The following KBTBD13 variants were observed in gnomAD, a reference collection of about 807,000 sequenced individuals.
KBTBD13 encodes the protein kelch repeat and BTB domain-containing protein 13.
Under a neutral mutation model 25.4 loss-of-function variants are expected in KBTBD13, and 32 were observed. The ratio of observed to expected loss-of-function variants is 1.26; its 90% CI spans 0.95 to 1.69. The LOEUF is 1.69. KBTBD13 is among the 40% of genes most tolerant of loss of function. The pLI, the probability that KBTBD13 is intolerant of heterozygous loss-of-function variation, is 0.00. For missense variants in KBTBD13, 898 were observed against 679.5 expected (o/e 1.32, Z -3.57); for synonymous variants, 436 against 329.8 (o/e 1.32, Z -3.49).
At position 65,076,979 on chromosome 15, in the gene KBTBD13, C is replaced by A. The variant is rs757684085; in HGVS notation, c.164C>A (p.Ala55Glu). The A allele has an allele frequency of 6.5e-7, 1 of 1,540,344 alleles. No homozygotes were observed. Among genetic ancestry groups the A allele is most frequent in the Non-Finnish European group, 8.7e-7 (1 of 1,149,592 alleles). The part of the protein sequence containing the change: ...AAEVRLGVLS[A>E]GGFRATLQVL... ...GAGGTGCGCCTGGGCGTTCTGAGCGCGGGAGGTTTCCGCGCCACGCTGCAG... is the reference window on the plus strand; with the variant it reads ...GAGGTGCGCCTGGGCGTTCTGAGCGAGGGAGGTTTCCGCGCCACGCTGCAG... Residue 55 changes from alanine (A) to glutamate (E), a missense_variant, in exon 1 of 1, where the codon GCG becomes GAG. Physicochemically the swap from Ala to Glu is moderately radical, Grantham distance 107. Coordinates refer to ENST00000432196, the MANE Select transcript of KBTBD13 (RefSeq NM_001101362.3).
Position 65,077,737 on chromosome 15 carries a change from T to C in KBTBD13, c.922T>C (p.Phe308Leu). The C allele has an allele frequency of 6.3e-7, 1 of 1,584,604 alleles. No homozygotes were observed. Among genetic ancestry groups the C allele is most frequent in the Non-Finnish European group, 8.5e-7 (1 of 1,171,034 alleles). Reference sequence around the variant, plus strand: ...CTGCGCCCAGGCTTGTGGCCGTCTCTTCGTGTGCCTGTGGCGGCCGGCCGA... The same window carrying C: ...CTGCGCCCAGGCTTGTGGCCGTCTCCTCGTGTGCCTGTGGCGGCCGGCCGA... ...VPCAQACGRL[F>L]VCLWRPADTT... The change falls in exon 1 of 1, where the codon TTC becomes CTC. Residue 308 changes from phenylalanine (F) to leucine (L), a missense_variant. By Grantham distance (22) the Phe-to-Leu change is conservative. Transcript: ENST00000432196.
At position 65,076,993 on chromosome 15, in the gene KBTBD13, G is replaced by A; in HGVS notation, c.178G>A (p.Ala60Thr). Residue 60 changes from alanine to threonine, a missense_variant, in exon 1 of 1, where the codon GCC becomes ACC. By Grantham distance (58) the Ala-to-Thr change is moderately conservative. Transcript: ENST00000432196. ...CGTTCTGAGCGCGGGAGGTTTCCGC[G>A]CCACGCTGCAGGTGCTGCGCGGCGA... is the stretch of plus-strand genomic sequence containing the variant. ...LGVLSAGGFR[A>T]TLQVLRGDRP... The A allele has an allele frequency of 1.3e-6, 2 of 1,534,206 alleles. No individual in the cohort carries two copies. Among genetic ancestry groups the A allele is most frequent in the Non-Finnish European group, 1.7e-6 (2 of 1,145,930 alleles).
rs534443571 is a variant in KBTBD13 at position 65,077,604 on chromosome 15, C to T, written c.789C>T (p.Ile263=). 70 of 1,578,526 alleles carry T rather than the reference C, an allele frequency of 4.4e-5. 1 individual carries two copies. In the South Asian group the frequency reaches 7.3e-4, roughly 16 times the overall value. ...GCTTCGACGGCCGCCTCTACGCCATCGGCGGCGAATTCCAGAGGACGCCCA... is the reference window on the plus strand; with the variant it reads ...GCTTCGACGGCCGCCTCTACGCCATTGGCGGCGAATTCCAGAGGACGCCCA... ...LAGFDGRLYA[I]GGEFQRTPIS... Residue 263 remains isoleucine (I), a synonymous_variant, in exon 1 of 1, where the codon ATC becomes ATT. Coordinates refer to ENST00000432196, the MANE Select transcript of KBTBD13 (RefSeq NM_001101362.3).
At position 65,076,930 on chromosome 15, in the gene KBTBD13, G is replaced by C. The variant is rs201420126; in HGVS notation, c.115G>C (p.Gly39Arg). 4.0e-4 allele frequency: 625 copies of C among 1,557,718 alleles called. No homozygotes were observed. The African/African-American group carries it at 6.5e-3, about 16-fold the overall frequency. ...CGFFRGLFRSGMRETRAAEVR... is the reference protein window; with the variant it reads ...CGFFRGLFRSRMRETRAAEVR... ...CTTCTTCCGAGGCCTCTTCCGCTCCGGCATGCGGGAGACCCGCGCAGCAGA... is the reference window on the plus strand; with the variant it reads ...CTTCTTCCGAGGCCTCTTCCGCTCCCGCATGCGGGAGACCCGCGCAGCAGA... The change falls in exon 1 of 1, where the codon GGC (glycine) becomes CGC (arginine). Residue 39 changes from glycine (G) to arginine (R), a missense_variant. Transcript: ENST00000432196.
In KBTBD13 at chr15:65,077,463, C is replaced by G. The variant is rs1367713205; in HGVS notation, c.648C>G (p.Gly216=). Residue 216 remains glycine (G), a synonymous_variant, in exon 1 of 1, where the codon GGC becomes GGG. Transcript: ENST00000432196. ...GCAACAAGCTTTACATCGTGGGGGG[C>G]GTGCGCGGCGCCAGCAAGGAGGTGG... ...TLGNKLYIVG[G]VRGASKEVVE... The G allele has an allele frequency of 1.3e-6, 2 of 1,523,656 alleles. No individual in the cohort carries two copies. Among genetic ancestry groups the G allele is most frequent in the East Asian group, 4.9e-5 (2 of 40,474 alleles). 94.4% of individuals were successfully genotyped at this position (1,523,656 alleles called of 1,614,324 possible).
At position 65,077,508 on chromosome 15, in the gene KBTBD13, C is replaced by T. The variant is rs2086993045; in HGVS notation, c.693C>T (p.Tyr231=). ...SKEVVELGFC[Y]DPDGGTWHEF... The stretch of plus-strand genomic sequence containing the variant: ...AGGTGGTAGAGCTGGGCTTCTGCTA[C>T]GACCCCGACGGCGGCACGTGGCACG... The change falls in exon 1 of 1, where the codon TAC becomes TAT. Residue 231 remains tyrosine, a synonymous_variant. Transcript: ENST00000432196. 1 of 1,522,864 alleles carries T rather than the reference C, an allele frequency of 6.6e-7. No individual in the cohort carries two copies. Among genetic ancestry groups the T allele is most frequent in the Non-Finnish European group, 8.8e-7 (1 of 1,136,094 alleles). 94.3% of individuals were successfully genotyped at this position (1,522,864 alleles called of 1,614,324 possible). A position where few individuals can be genotyped will look rare whatever the true frequency, so the allele number is the denominator to read the frequency against.
At position 65,077,091 on chromosome 15, in the gene KBTBD13, G is replaced by A. The variant is rs566529505; in HGVS notation, c.276G>A (p.Ala92=). The A allele has an allele frequency of 3.3e-6, 5 of 1,521,768 alleles. No homozygotes were observed. The highest frequency in any genetic ancestry group is 4.4e-6 in the Non-Finnish European group (5 of 1,138,946). 94.3% of individuals were successfully genotyped at this position (1,521,768 alleles called of 1,614,324 possible). ...GCGCCGCCTTCCTCCAGGCGCCGGC[G>A]CTGGCTCGCTTTCTGGAGCACAACC... The part of the protein sequence containing the change: ...VECAAFLQAP[A]LARFLEHNLT... The change falls in exon 1 of 1, where the codon GCG becomes GCA. Residue 92 remains alanine (A), a synonymous_variant. Transcript: ENST00000432196.
chr15:65,077,016 C>A lies in KBTBD13; in HGVS notation c.201C>A (p.Gly67=). 2 of 1,509,548 alleles carry A rather than the reference C, an allele frequency of 1.3e-6. No homozygotes were observed. Among genetic ancestry groups the A allele is most frequent in the Non-Finnish European group, 1.8e-6 (2 of 1,134,234 alleles). 93.5% of individuals were successfully genotyped at this position (1,509,548 alleles called of 1,614,324 possible). The change falls in exon 1 of 1, where the codon GGC becomes GGA. Residue 67 remains glycine (G), a synonymous_variant. Transcript: ENST00000432196. ...GCGCCACGCTGCAGGTGCTGCGCGG[C>A]GACCGGCCGGCGCTGGCGGCGGAGG... ...GFRATLQVLR[G]DRPALAAEDE...
At position 65,078,721 on chromosome 15, in the gene KBTBD13, C is replaced by A. The variant is rs1162039037; in HGVS notation, c.*529C>A. Among the ~76,000 whole-genome samples the A allele has an allele frequency of 3.3e-5, 5 of 152,124 alleles. No homozygotes were observed. Among genetic ancestry groups the A allele is most frequent in the African/African-American group, 1.2e-4 (5 of 41,408 alleles). The stretch of plus-strand genomic sequence containing the variant: ...AGGCAACATGCAAAAAAATTTAAAA[C>A]CGCATACAATATAATAAAATAAAGT... On this transcript the variant is annotated 3_prime_UTR_variant, in exon 1 of 1. Transcript: ENST00000432196.
rs780785524 is a variant in KBTBD13 at position 65,077,920 on chromosome 15, A to G, written c.1105A>G (p.Ile369Val). Residue 369 changes from isoleucine (I) to valine (V), a missense_variant, in exon 1 of 1, where the codon ATC (isoleucine) becomes GTC (valine). Ile to Val is a conservative substitution (Grantham distance 29). Coordinates refer to ENST00000432196, the MANE Select transcript of KBTBD13 (RefSeq NM_001101362.3). ...TTCCGACGACTTCCTGCACTGCGCC[A>G]TCGACTGTCTCAACCTGGCCACGGG... is the stretch of plus-strand genomic sequence containing the variant. Reference protein sequence around the residue: ...GPSDDFLHCAIDCLNLATGQW... With the variant: ...GPSDDFLHCAVDCLNLATGQW... 3.1e-6 allele frequency: 5 copies of G among 1,611,842 alleles called. No homozygotes were observed. The highest frequency in any genetic ancestry group is 2.2e-5 in the East Asian group (1 of 44,862).
In KBTBD13 at chr15:65,078,292, C is replaced by A. The variant is rs1319236675; in HGVS notation, c.*100C>A. 17 of 1,444,802 alleles carry A rather than the reference C, an allele frequency of 1.2e-5. No individual in the cohort carries two copies. The highest frequency in any genetic ancestry group is 1.5e-5 in the Non-Finnish European group (16 of 1,093,982). 89.5% of individuals were successfully genotyped at this position (1,444,802 alleles called of 1,614,324 possible). On this transcript the variant is annotated 3_prime_UTR_variant, in exon 1 of 1. Transcript: ENST00000432196. ...CTTAGAAGTAGCTGGCAACTTCCCT[C>A]TTTCTACTGAGACACCCAGGTTTGG... is the stretch of plus-strand genomic sequence containing the variant.
In KBTBD13 at chr15:65,077,591, G is replaced by T. The variant is rs1344170084; in HGVS notation, c.776G>T (p.Arg259Leu). 1.3e-6 allele frequency: 2 copies of T among 1,570,300 alleles called. No individual in the cohort carries two copies. The highest frequency in any genetic ancestry group is 1.2e-5 in the South Asian group (1 of 86,918). The change falls in exon 1 of 1, where the codon CGC becomes CTC. Residue 259 changes from arginine to leucine, a missense_variant. By Grantham distance (102) the Arg-to-Leu change is moderately radical. Transcript: ENST00000432196. The part of the protein sequence containing the change: ...YDTALAGFDG[R>L]LYAIGGEFQR... ...ACAGCGCTGGCCGGCTTCGACGGCC[G>T]CCTCTACGCCATCGGCGGCGAATTC...
Position 65,077,124 on chromosome 15 carries a change from G to C in KBTBD13, c.309G>C (p.Ser103=), listed in dbSNP as rs760134475. Residue 103 remains serine (S), a synonymous_variant, in exon 1 of 1, where the codon TCG becomes TCC. Transcript: ENST00000432196. ...GCTTTCTGGAGCACAACCTCACGTC[G>C]GACAACTGCGCATTGCTGTGCGACG... ...LARFLEHNLT[S]DNCALLCDAA... The C allele has an allele frequency of 1.3e-5, 20 of 1,522,818 alleles. No homozygotes were observed. In the South Asian group the frequency reaches 1.9e-4, roughly 15 times the overall value. The allele number at this position is 1,522,818 out of a possible 1,614,324, so 94.3% of individuals were successfully genotyped here. A position where few individuals can be genotyped will look rare whatever the true frequency, so the allele number is the denominator to read the frequency against.
Position 65,078,029 on chromosome 15 carries a change from C to T in KBTBD13, c.1214C>T (p.Thr405Met), listed in dbSNP as rs760429732. ...TAVVRGDTVY[T>M]VNRMFTLLYA... Reference sequence around the variant, plus strand: ...GTGGTGCGCGGTGACACCGTCTATACGGTCAACCGCATGTTCACGCTGCTC... The same window carrying T: ...GTGGTGCGCGGTGACACCGTCTATATGGTCAACCGCATGTTCACGCTGCTC... Residue 405 changes from threonine to methionine, a missense_variant, in exon 1 of 1, where the codon ACG (threonine) becomes ATG (methionine). Transcript: ENST00000432196. 33 of 1,603,910 alleles carry T rather than the reference C, an allele frequency of 2.1e-5. No individual in the cohort carries two copies. In the African/African-American group the frequency reaches 2.3e-4, roughly 11 times the overall value.
chr15:65,077,490 A>G lies in KBTBD13; in HGVS notation c.675A>G (p.Val225=). ...TGCGCGGCGCCAGCAAGGAGGTGGT[A>G]GAGCTGGGCTTCTGCTACGACCCCG... is the stretch of plus-strand genomic sequence containing the variant. ...GGVRGASKEV[V]ELGFCYDPDG... The change falls in exon 1 of 1, where the codon GTA becomes GTG. Residue 225 remains valine, a synonymous_variant. Coordinates refer to ENST00000432196, the MANE Select transcript of KBTBD13 (RefSeq NM_001101362.3). The G allele has an allele frequency of 6.6e-7, 1 of 1,523,276 alleles. No homozygotes were observed. The highest frequency in any genetic ancestry group is 8.8e-7 in the Non-Finnish European group (1 of 1,137,556). 94.4% of individuals were successfully genotyped at this position (1,523,276 alleles called of 1,614,324 possible).
chr15:65,077,116 C>G lies in KBTBD13; in HGVS notation c.301C>G (p.Leu101Val). The change falls in exon 1 of 1, where the codon CTC becomes GTC. Residue 101 changes from leucine (L) to valine (V), a missense_variant. Coordinates refer to ENST00000432196, the MANE Select transcript of KBTBD13 (RefSeq NM_001101362.3). ...PALARFLEHNLTSDNCALLCD... is the reference protein window; with the variant it reads ...PALARFLEHNVTSDNCALLCD... ...GCTGGCTCGCTTTCTGGAGCACAAC[C>G]TCACGTCGGACAACTGCGCATTGCT... The G allele has an allele frequency of 6.6e-7, 1 of 1,523,478 alleles. No individual in the cohort carries two copies. Among genetic ancestry groups the G allele is most frequent in the Non-Finnish European group, 8.8e-7 (1 of 1,139,848 alleles). 94.4% of individuals were successfully genotyped at this position (1,523,478 alleles called of 1,614,324 possible).
rs879057896 is a variant in KBTBD13 at position 65,079,886 on chromosome 15, A to G, written c.*1694A>G. Among the ~76,000 whole-genome samples, 4 of 152,306 alleles carry G rather than the reference A, an allele frequency of 2.6e-5. No homozygotes were observed. Among genetic ancestry groups the G allele is most frequent in the Admixed American group, 2.6e-4 (4 of 15,306 alleles). On this transcript the variant is annotated 3_prime_UTR_variant, in exon 1 of 1. Transcript: ENST00000432196. The stretch of plus-strand genomic sequence containing the variant: ...TGCCCTCAGAAGCCTGGGACCTTCC[A>G]GCCCTGGAGTAGCCTAGTCTGATAA...
Position 65,077,406 on chromosome 15 carries a change from C to T in KBTBD13, c.591C>T (p.Ala197=), listed in dbSNP as rs1468127081. The stretch of plus-strand genomic sequence containing the variant: ...CGCTGGCTGCGCTGCCCCTGGAGGC[C>T]AGCACGTTGCTGGCCGGGGTGGCCA... ...WRTLAALPLE[A]STLLAGVATL... The change falls in exon 1 of 1, where the codon GCC becomes GCT. Residue 197 remains alanine (A), a synonymous_variant. Coordinates refer to ENST00000432196, the MANE Select transcript of KBTBD13 (RefSeq NM_001101362.3). The T allele has an allele frequency of 1.3e-6, 2 of 1,525,778 alleles. No individual in the cohort carries two copies. Among genetic ancestry groups the T allele is most frequent in the East Asian group, 2.5e-5 (1 of 40,344 alleles). 94.5% of individuals were successfully genotyped at this position (1,525,778 alleles called of 1,614,324 possible).
chr15:65,076,859 G>A lies in KBTBD13; in HGVS notation c.44G>A (p.Gly15Asp), dbSNP rs746640081. 4.0e-5 allele frequency: 62 copies of A among 1,562,932 alleles called. No homozygotes were observed. Among genetic ancestry groups the A allele is most frequent in the Non-Finnish European group, 5.1e-5 (59 of 1,162,112 alleles). Residue 15 changes from glycine to aspartate, a missense_variant, in exon 1 of 1, where the codon GGC becomes GAC. Transcript: ENST00000432196. The stretch of plus-strand genomic sequence containing the variant: ...ACCCTGGTGCAGGTGTGGGTGGGCG[G>A]CCAGCTCTTCCAAGCCGACCGCGCC... ...PQTLVQVWVG[G>D]QLFQADRALL...
Sources: allele counts gnomAD v4.1 joint callset (sites outside exome capture counted in the v4.1 genomes callset), GRCh38; gene constraint gnomAD v4.1.1; transcripts MANE v1.5; gene names NCBI Gene and HGNC (gene_info 2026-07-23, HGNC 2026-07-21).